The following PALS2 variants were observed in gnomAD, a reference collection of about 807,000 sequenced individuals.
PALS2 encodes the protein protein PALS2.
In PALS2, 27 loss-of-function variants were observed where a neutral mutation model predicts 61.6. The observed-to-expected ratio is 0.44, with a 90% CI of 0.32 to 0.60. The LOEUF (loss-of-function observed/expected upper bound fraction) is 0.60, where lower values mean the gene tolerates loss of function less well. PALS2 is among the 20% of genes least tolerant of loss of function. PALS2 has a pLI of 0.05. For synonymous variants in PALS2, 236 were observed against 218.6 expected (o/e 1.08, Z -0.70); for missense variants, 554 against 639.4 (o/e 0.87, Z 1.44).
chr7:24,594,837 A>G (rs149250595), intron 1 of PALS2, among the ~76,000 whole-genome samples: 158 of 152,250 alleles, frequency 1.0e-3, no homozygotes, highest in African/African-American at 3.6e-3. Flanking sequence ...AAGATTACTG[A>G]TCATAGATCA....
chr7:24,602,073 T>C (rs546712169), intron 1 of PALS2, among the ~76,000 whole-genome samples: 2 of 152,254 alleles, frequency 1.3e-5, no homozygotes, highest in Admixed American at 1.3e-4. Context: ...AATCAGGTTC[T>C]CTAATTTTCT....
chr7:24,631,060 T>C (rs1198362634), intron 2 of PALS2, among the ~76,000 whole-genome samples: 1 of 152,230 alleles, frequency 6.6e-6, no homozygotes, highest in Non-Finnish European at 1.5e-5. Flanking sequence ...ATACATTTCA[T>C]AGGACTACAG....
rs550495394 is a variant in PALS2 at position 24,675,237 on chromosome 7, A to G, written c.1115-3894A>G. On this transcript the variant is annotated intron_variant, in intron 9 of 11. Transcript: ENST00000222644. Reference sequence around the variant, plus strand: ...TTTATTTCAAGCAGCGCATTCCCCTATATGGTTTCACTGTAGGACTTCACC... The same window carrying G: ...TTTATTTCAAGCAGCGCATTCCCCTGTATGGTTTCACTGTAGGACTTCACC... Among the ~76,000 whole-genome samples, 62 of 152,234 alleles carry G rather than the reference A, an allele frequency of 4.1e-4. 1 individual carries two copies. The highest frequency in any genetic ancestry group is 3.4e-3 in the Middle Eastern group (1 of 294).
intron 9 of PALS2, among the ~76,000 whole-genome samples, chr7:24,678,878 G>A (rs528520733): frequency 5.9e-5 from 9 of 152,186 alleles, no homozygotes; most frequent in East Asian, 3.9e-4. Context: ...TTTAGGCTTC[G>A]CAGTCCATAC....
chr7:24,640,733 G>A (rs1785488424), intron 2 of PALS2, among the ~76,000 whole-genome samples: 1 of 152,078 alleles, frequency 6.6e-6, no homozygotes, highest in South Asian at 2.1e-4. Flanking sequence ...TTTCGGCCGA[G>A]GGCGGTGGCT....
intron 2 of PALS2, among the ~76,000 whole-genome samples, chr7:24,639,701 T>C (rs1785419125): frequency 6.6e-6 from 1 of 151,952 alleles, no homozygotes; most frequent in Non-Finnish European, 1.5e-5. Flanking sequence ...GGTGATAGTC[T>C]TTTATGATAA....
chr7:24,612,374 A>C (rs1432160005), intron 1 of PALS2, among the ~76,000 whole-genome samples: 2 of 151,818 alleles, frequency 1.3e-5, no homozygotes, highest in Admixed American at 6.6e-5. Flanking sequence ...CCTCCTTGAC[A>C]TTTATGCTTT....
chr7:24,665,014 C>T (rs1786941423), intron 6 of PALS2, among the ~76,000 whole-genome samples: 1 of 152,086 alleles, frequency 6.6e-6, no homozygotes, highest in African/African-American at 2.4e-5. Flanking sequence ...CCACTAACAG[C>T]CAGTTCTCCA....
In PALS2 at chr7:24,624,605, C is replaced by CTTCTTTTTTTTTTTTTTTTTTT. The variant is rs1554302487; in HGVS notation, c.117+823_117+824insCTTTTTTTTTTTTTTTTTTTTT. ...GAGTGAATTAATGATGCAGATTCTT[C>CTTCTTTTTTTTTTTTTTTTTTT]TTTTTTTTTTTTTTTTTTTGAGAGG... On this transcript the variant is annotated intron_variant, in intron 2 of 11. Transcript: ENST00000222644. Among the ~76,000 whole-genome samples, 4 of 86,356 alleles carry CTTCTTTTTTTTTTTTTTTTTTT rather than the reference C, an allele frequency of 4.6e-5. 1 individual carries two copies. The highest frequency in any genetic ancestry group is 1.3e-4 in the African/African-American group (2 of 15,456). 56.7% of individuals were successfully genotyped at this position (86,356 alleles called of 152,430 possible).
intron 10 of PALS2, 81 bp from the exon 11 acceptor site, chr7:24,680,311 A>G: frequency 1.4e-6 from 2 of 1,395,942 alleles, no homozygotes; most frequent in Non-Finnish European, 2.0e-6. Flanking sequence ...AAGTGCAAAC[A>G]GCCTTTGATA....
chr7:24,675,153 C>A (rs1026678761), intron 9 of PALS2, among the ~76,000 whole-genome samples: 1 of 152,032 alleles, frequency 6.6e-6, no homozygotes, highest in Non-Finnish European at 1.5e-5. Context: ...AAGAACATTT[C>A]TCTAAGAATT....
At chr7:24,583,344 A>G (rs1423524429) in intron 1 of PALS2, among the ~76,000 whole-genome samples, 1 of 152,190 alleles carries the variant, frequency 6.6e-6, no homozygotes, top group Non-Finnish European at 1.5e-5. Context: ...GCCATCACCA[A>G]CCAATCCTTA....
chr7:24,622,275 TA>T (rs1162285226), intron 1 of PALS2, among the ~76,000 whole-genome samples: 2 of 152,066 alleles, frequency 1.3e-5, no homozygotes, highest in Non-Finnish European at 2.9e-5. Context: ...GTTGCCATTT[TA>T]ATAATAAGTC....
At chr7:24,581,856 G>A (rs1562596353) in intron 1 of PALS2, among the ~76,000 whole-genome samples, 2 of 152,194 alleles carry the variant, frequency 1.3e-5, no homozygotes. Context: ...AGAACGGGTG[G>A]TAGTTTTGGC....
Position 24,679,268 on chromosome 7 carries a change from A to C in PALS2, c.1252A>C (p.Lys418Gln). Residue 418 changes from lysine (K) to glutamine (Q), a missense_variant, in exon 10 of 12, where the codon AAA (lysine) becomes CAA (glutamine). Lys to Gln is a moderately conservative substitution (Grantham distance 53, BLOSUM62 1). Transcript: ENST00000222644. ...ATATGAAGGAAATCTCTATGGAACC[A>C]AAATTGATTCTATTCTTGAGGTTGT... ...GEYEGNLYGTKIDSILEVVQT... is the reference protein window; with the variant it reads ...GEYEGNLYGTQIDSILEVVQT... 1.2e-6 allele frequency: 2 copies of C among 1,614,128 alleles called. No individual in the cohort carries two copies. The highest frequency in any genetic ancestry group is 1.7e-6 in the Non-Finnish European group (2 of 1,179,958).
At chr7:24,602,144 A>G (rs891951549) in intron 1 of PALS2, among the ~76,000 whole-genome samples, 2 of 151,706 alleles carry the variant, frequency 1.3e-5, no homozygotes, top group Non-Finnish European at 2.9e-5. Flanking sequence ...TTTACCTTCC[A>G]TGATTTCCAT....
chr7:24,661,250 A>G (rs936683590), intron 5 of PALS2, among the ~76,000 whole-genome samples: 9 of 152,132 alleles, frequency 5.9e-5, no homozygotes, highest in African/African-American at 1.9e-4. Flanking sequence ...TTTTCAGACA[A>G]ATTTTCAAAG....
intron 5 of PALS2, among the ~76,000 whole-genome samples, chr7:24,661,591 G>A (rs1358406031): frequency 1.3e-5 from 2 of 152,236 alleles, no homozygotes; most frequent in East Asian, 3.9e-4. Flanking sequence ...TGAGAAGTAA[G>A]GAGTATGCAG....
At chr7:24,615,555 T>G (rs1462355680) in intron 1 of PALS2, among the ~76,000 whole-genome samples, 1 of 151,754 alleles carries the variant, frequency 6.6e-6, no homozygotes, top group Middle Eastern at 3.2e-3. Flanking sequence ...ATAGAAGACC[T>G]GAACAGACCA....
Sources: gnomAD v4.1 joint callset for allele counts (sites outside exome capture counted in the v4.1 genomes callset) on GRCh38, gnomAD v4.1.1 for gene constraint, MANE v1.5 for transcripts, NCBI Gene and HGNC (gene_info 2026-07-23, HGNC 2026-07-21) for gene names.